Variants in LDLRAD4 observed in about 807,000 individuals in gnomAD.
The protein encoded by LDLRAD4 is low-density lipoprotein receptor class A domain-containing protein 4.
Under a neutral mutation model 17.0 loss-of-function variants are expected in LDLRAD4, and 5 were observed. The observed-to-expected ratio is 0.29, with a 90% CI of 0.15 to 0.62. LDLRAD4 has a LOEUF of 0.62. Ranked by LOEUF, LDLRAD4 falls within the 20% of genes least tolerant of loss-of-function variation. The pLI is 0.84. For synonymous variants in LDLRAD4, 168 were observed against 171.8 expected, an observed-to-expected ratio of 0.98 and a Z score of 0.17; for missense variants, 340 against 424.7, an observed-to-expected ratio of 0.80 and a Z score of 1.75.
chr18:13,516,376 C>T (rs1170617853), intron 3 of LDLRAD4, among the ~76,000 whole-genome samples: 1 of 152,154 alleles, frequency 6.6e-6, no homozygotes, highest in Non-Finnish European at 1.5e-5. Context: ...GAAGTTCTAG[C>T]CCTGTGCAGC....
chr18:13,344,142 C>T (rs1249580069), intron 1 of LDLRAD4, among the ~76,000 whole-genome samples: 1 of 152,212 alleles, frequency 6.6e-6, no homozygotes, highest in Non-Finnish European at 1.5e-5. Context: ...GTGTTTTAAA[C>T]ATGAAGTCCT....
At chr18:13,354,655 G>T (rs1045132424) in intron 1 of LDLRAD4, among the ~76,000 whole-genome samples, 2 of 152,314 alleles carry the variant, frequency 1.3e-5, no homozygotes, top group African/African-American at 4.8e-5. Flanking sequence ...GAGCCTTCTG[G>T]TGGTGTGATT....
chr18:13,273,822 G>C (rs78772606), upstream of LDLRAD4, among the ~76,000 whole-genome samples: 5,907 of 152,280 alleles, frequency 0.039, 216 homozygotes, highest in African/African-American at 0.092. Context: ...GTCCTGTCCT[G>C]GTGCAAGGGA....
chr18:13,583,036 A>G (rs1285040026), intron 3 of LDLRAD4, among the ~76,000 whole-genome samples: 1 of 151,808 alleles, frequency 6.6e-6, no homozygotes, highest in African/African-American at 2.4e-5. Context: ...TCTGAATCAA[A>G]CCTTAATAGG....
At chr18:13,472,176 G>C (rs758553309) in intron 3 of LDLRAD4, 1 of 152,214 alleles carries the variant, frequency 6.6e-6, no homozygotes, top group East Asian at 1.9e-4. Context: ...GCTTGGCCAT[G>C]GCCAGTCTGA....
chr18:13,252,674 T>C (rs1021148552), intron 1 of LDLRAD4, among the ~76,000 whole-genome samples: 1 of 152,232 alleles, frequency 6.6e-6, no homozygotes, highest in Non-Finnish European at 1.5e-5. Context: ...CTGCCGCAGA[T>C]GTGATGGATG....
In LDLRAD4 at chr18:13,611,341, G is replaced by A. The variant is rs578196974; in HGVS notation, c.182-9776G>A. The A allele has an allele frequency of 7.1e-4, 224 of 315,898 alleles. 1 individual carries two copies. The highest frequency in any genetic ancestry group is 4.8e-3 in the African/African-American group (212 of 44,514). 19.6% of individuals were successfully genotyped at this position (315,898 alleles called of 1,614,324 possible). On this transcript the variant is annotated intron_variant, in intron 3 of 5. Transcript: ENST00000359446. ...AAAACAAAGGCTATTCTGGGCTCCC[G>A]GCAGTGCTTGTGGTGGGGGTTATTT... is the stretch of plus-strand genomic sequence containing the variant.
intron 1 of LDLRAD4, among the ~76,000 whole-genome samples, chr18:13,339,990 A>G (rs948749393): frequency 2.0e-5 from 3 of 152,036 alleles, no homozygotes; most frequent in African/African-American, 7.2e-5. Flanking sequence ...TACTTTCTCT[A>G]TGAATTTGAT....
rs184304394 is a variant in LDLRAD4, at chr18:13,458,969, C to T, written c.181+20585C>T. Among the ~76,000 whole-genome samples the T allele has an allele frequency of 5.3e-3, 800 of 152,214 alleles. 25 individuals are homozygous for T. Among genetic ancestry groups the T allele is most frequent in the Admixed American group, 0.047 (724 of 15,290 alleles). On this transcript the variant is annotated intron_variant, in intron 3 of 5. Transcript: ENST00000359446. ...GCTCTGCCACCTCCTTGATTTTCACCCAGTGAAATTAGTTTTGGATTCCCA... is the reference window on the plus strand; with the variant it reads ...GCTCTGCCACCTCCTTGATTTTCACTCAGTGAAATTAGTTTTGGATTCCCA...
intron 2 of LDLRAD4, among the ~76,000 whole-genome samples, chr18:13,435,569 C>T (rs879722254): frequency 3.3e-5 from 5 of 152,178 alleles, no homozygotes; most frequent in Non-Finnish European, 4.4e-5. Flanking sequence ...GCCTTAGCTT[C>T]CTGAGTAGCT....
At chr18:13,483,231 T>C (rs1042394337) in intron 3 of LDLRAD4, among the ~76,000 whole-genome samples, 2 of 152,136 alleles carry the variant, frequency 1.3e-5, no homozygotes, top group African/African-American at 4.8e-5. Context: ...CCCCAGTCCT[T>C]TTGGCTCAGC....
intron 3 of LDLRAD4, among the ~76,000 whole-genome samples, chr18:13,548,571 G>A (rs1405628263): frequency 2.6e-5 from 4 of 152,250 alleles, no homozygotes; most frequent in African/African-American, 9.6e-5. Context: ...CTTCAAAATT[G>A]GAGTGGGTGC....
chr18:13,611,792 CG>C (rs1346139866), intron 3 of LDLRAD4: 16 of 985,360 alleles, frequency 1.6e-5, no homozygotes, highest in Non-Finnish European at 1.8e-5. Flanking sequence ...AAGAGCGAGC[CG>C]GGGGGAAAGG....
At position 13,247,960 on chromosome 18, in the gene LDLRAD4, C is replaced by CTTTTTT. The variant is rs34516593; in HGVS notation, c.-467+28984_-467+28989dup. On this transcript the variant is annotated intron_variant, in intron 1 of 5. Coordinates refer to the LDLRAD4 transcript ENST00000399848. ...AACTGCACACAGCGCCGCCCCCCGC[C>CTTTTTT]TTTTTTTTTTTTTTTTTAAAGACAG... Among the ~76,000 whole-genome samples the CTTTTTT allele has an allele frequency of 1.6e-4, 21 of 131,998 alleles. 2 individuals carry two copies. The highest frequency in any genetic ancestry group is 7.1e-4 in the East Asian group (3 of 4,200). 86.6% of individuals were successfully genotyped at this position (131,998 alleles called of 152,430 possible). A position where few individuals can be genotyped will look rare whatever the true frequency, so the allele number is the denominator to read the frequency against.
At chr18:13,437,259 T>A (rs2090726357) in intron 2 of LDLRAD4, among the ~76,000 whole-genome samples, 1 of 152,206 alleles carries the variant, frequency 6.6e-6, no homozygotes, top group African/African-American at 2.4e-5. Flanking sequence ...AACCCGGGAC[T>A]CCTCCAGAGA....
intron 4 of LDLRAD4, among the ~76,000 whole-genome samples, chr18:13,639,783 A>G (rs1295493646): frequency 6.6e-6 from 1 of 152,208 alleles, no homozygotes; most frequent in Non-Finnish European, 1.5e-5. Flanking sequence ...GCAGGGGGCA[A>G]TTGTCAGTAA....
chr18:13,607,066 A>C (rs1035112337), intron 3 of LDLRAD4, among the ~76,000 whole-genome samples: 29 of 152,250 alleles, frequency 1.9e-4, no homozygotes, highest in African/African-American at 6.8e-4. Flanking sequence ...TCCTTTGGTT[A>C]GTTTCAGTGG....
intron 3 of LDLRAD4, among the ~76,000 whole-genome samples, chr18:13,451,252 A>T (rs1378328042): frequency 6.6e-6 from 1 of 152,172 alleles, no homozygotes; most frequent in African/African-American, 2.4e-5. Context: ...TCATGTTGAG[A>T]TGTAAGCCCC....
intron 3 of LDLRAD4, among the ~76,000 whole-genome samples, chr18:13,545,691 G>A (rs762292239): frequency 1.1e-4 from 16 of 152,304 alleles, no homozygotes; most frequent in East Asian, 7.7e-4. Context: ...GGAAACTGGC[G>A]GGGCAGGAAA....
Sources: gnomAD v4.1 joint callset for allele counts (sites outside exome capture counted in the v4.1 genomes callset) on GRCh38, gnomAD v4.1.1 for gene constraint, MANE v1.5 for transcripts, NCBI Gene and HGNC (gene_info 2026-07-23, HGNC 2026-07-21) for gene names.